PLEKHA5: variants seen among roughly 807,000 people sequenced by gnomAD.
The protein encoded by PLEKHA5 is pleckstrin homology domain containing A5, also known as pleckstrin homology domain-containing family A member 5.
In PLEKHA5, 55 loss-of-function variants were observed where a neutral mutation model predicts 181.9. That is an observed-to-expected ratio of 0.30 (90% confidence interval 0.24 to 0.38). PLEKHA5 has a LOEUF of 0.38. Ranked by LOEUF, PLEKHA5 falls within the 10% of genes least tolerant of loss-of-function variation. The probability of loss-of-function intolerance (pLI) is 1.00; values close to 1 mark genes in which losing one functional copy is unlikely to be tolerated. For synonymous variants in PLEKHA5, 535 were observed against 529.4 expected (o/e 1.01, Z -0.15); for missense variants, 1,432 against 1,549.5 (o/e 0.92, Z 1.27).
intron 3 of PLEKHA5, among the ~76,000 whole-genome samples, chr12:19,246,225 G>C (rs1042417119): frequency 6.6e-6 from 1 of 151,600 alleles, no homozygotes; most frequent in East Asian, 2.0e-4. Flanking sequence ...TGATCCACCC[G>C]CCTTGGCCTC....
chr12:19,305,841 A>G (rs1157558247), intron 15 of PLEKHA5, among the ~76,000 whole-genome samples: 3 of 130,926 alleles, frequency 2.3e-5, no homozygotes, highest in East Asian at 2.3e-4. Context: ...GCCTGGGGCA[A>G]CAACAGCAAA....
intron 12 of PLEKHA5, among the ~76,000 whole-genome samples, chr12:19,285,259 T>C (rs1172653002): frequency 4.6e-5 from 7 of 152,212 alleles, no homozygotes; most frequent in Admixed American, 6.5e-5. Flanking sequence ...ATGTGTATGG[T>C]CTAACAATTG....
intron 13 of PLEKHA5, among the ~76,000 whole-genome samples, chr12:19,289,405 C>T (rs374741602): frequency 5.9e-5 from 9 of 152,204 alleles, no homozygotes; most frequent in South Asian, 2.1e-4. Flanking sequence ...ATAAACAGAA[C>T]GGAAGAGAGT....
chr12:19,343,471 C>A, intron 22 of PLEKHA5, 37 bp downstream of exon 22: 2 of 1,106,688 alleles, frequency 1.8e-6, no homozygotes, highest in African/African-American at 1.5e-5. Flanking sequence ...TGACTGACCA[C>A]AGTATTACAG....
intron 15 of PLEKHA5, among the ~76,000 whole-genome samples, chr12:19,308,512 T>C (rs180809702): frequency 6.6e-6 from 1 of 152,310 alleles, no homozygotes; most frequent in African/African-American, 2.4e-5. Context: ...AAAAGCTATA[T>C]ACATCTACAG....
At chr12:19,278,592 G>A (rs2075243040) in intron 11 of PLEKHA5, among the ~76,000 whole-genome samples, 1 of 152,088 alleles carries the variant, frequency 6.6e-6, no homozygotes, top group Non-Finnish European at 1.5e-5. Context: ...TCTCTTTGAT[G>A]GAGTCAGCTT....
intron 3 of PLEKHA5, among the ~76,000 whole-genome samples, chr12:19,237,209 A>G (rs2061539910): frequency 6.6e-6 from 1 of 152,166 alleles, no homozygotes. Context: ...TAAACAAAGT[A>G]TTGTTTTGTT....
Position 19,190,876 on chromosome 12 carries a change from G to A in PLEKHA5, c.227+58426G>A, listed in dbSNP as rs532431738. Among the ~76,000 whole-genome samples, 8 of 152,282 alleles carry A rather than the reference G, an allele frequency of 5.3e-5. No homozygotes were observed. In the South Asian group the frequency reaches 1.0e-3, roughly 20 times the overall value. ...TTCACAGGAATTTAAAAATATCAGTGTGAAAACAAAATGAGCAGTGAAGCC... is the reference window on the plus strand; with the variant it reads ...TTCACAGGAATTTAAAAATATCAGTATGAAAACAAAATGAGCAGTGAAGCC... On this transcript the variant is annotated intron_variant, in intron 3 of 31. Transcript: ENST00000429027.
At chr12:19,194,616 C>G (rs927932115) in intron 3 of PLEKHA5, among the ~76,000 whole-genome samples, 4 of 152,098 alleles carry the variant, frequency 2.6e-5, no homozygotes, top group Non-Finnish European at 5.9e-5. Flanking sequence ...TCATTAGTAT[C>G]CCCCTTTTAC....
intron 18 of PLEKHA5, among the ~76,000 whole-genome samples, 188 bp from the exon 19 acceptor site, chr12:19,322,122 C>G (rs1340749804): frequency 6.6e-6 from 1 of 152,142 alleles, no homozygotes; most frequent in African/African-American, 2.4e-5. Context: ...CATATTATCA[C>G]TTAACCTATT....
At chr12:19,156,317 T>C (rs1338862827) in intron 3 of PLEKHA5, among the ~76,000 whole-genome samples, 1 of 152,084 alleles carries the variant, frequency 6.6e-6, no homozygotes, top group African/African-American at 2.4e-5. Context: ...GTGTGAAAAT[T>C]TGGTTTTTTA....
chr12:19,374,170 G>A (rs539133395), intron 31 of PLEKHA5, among the ~76,000 whole-genome samples: 3 of 151,822 alleles, frequency 2.0e-5, no homozygotes, highest in East Asian at 3.9e-4. Flanking sequence ...TAATTATTAC[G>A]TATTTTAGTG....
intron 23 of PLEKHA5, 72 bp from the exon 24 acceptor site, chr12:19,346,922 C>T (rs1257523719): frequency 5.4e-6 from 5 of 927,554 alleles, no homozygotes; most frequent in African/African-American, 5.1e-5. Context: ...GTTAATATAC[C>T]ATTGCAAAGA....
intron 7 of PLEKHA5, among the ~76,000 whole-genome samples, chr12:19,263,607 A>G (rs374293114): frequency 1.3e-5 from 2 of 152,360 alleles, no homozygotes; most frequent in South Asian, 2.1e-4. Flanking sequence ...CTGATTTGCT[A>G]AAGATATTCC....
intron 3 of PLEKHA5, among the ~76,000 whole-genome samples, chr12:19,172,954 G>GA (rs1393541590): frequency 2.3e-5 from 2 of 87,372 alleles, no homozygotes; most frequent in Admixed American, 1.3e-4. Flanking sequence ...AATAGAATGG[G>GA]AAAAAAGTTG....
chr12:19,255,093 T>C lies in PLEKHA5; in HGVS notation c.360T>C (p.Ser120=), dbSNP rs781306556. 1.2e-6 allele frequency: 2 copies of C among 1,609,798 alleles called. No homozygotes were observed. The highest frequency in any genetic ancestry group is 1.7e-6 in the Non-Finnish European group (2 of 1,176,788). ...AAGAAAAGAAGGAACGGCCAATAAG[T>C]ATGATAAATGAAGCTTCTAACTATA... The part of the protein sequence containing the change: ...TSEEKKERPI[S]MINEASNYNV... Residue 120 remains serine, a synonymous_variant, in exon 5 of 32, where the codon AGT becomes AGC. Coordinates refer to ENST00000429027, the MANE Select transcript of PLEKHA5 (RefSeq NM_001256470.2).
chr12:19,306,696 C>T (rs2083846634), intron 15 of PLEKHA5: 2 of 1,470,238 alleles, frequency 1.4e-6, no homozygotes, highest in Non-Finnish European at 9.5e-7. Context: ...TGCGGACTCT[C>T]TTCGGTTTCC....
At chr12:19,138,833 A>G (rs1207172964) in intron 3 of PLEKHA5, among the ~76,000 whole-genome samples, 2 of 152,150 alleles carry the variant, frequency 1.3e-5, no homozygotes, top group Non-Finnish European at 2.9e-5. Flanking sequence ...AGAAAATGCT[A>G]GGATGATGGG....
At chr12:19,188,104 A>T (rs755780552) in intron 3 of PLEKHA5, among the ~76,000 whole-genome samples, 2 of 152,224 alleles carry the variant, frequency 1.3e-5, no homozygotes, top group Non-Finnish European at 2.9e-5. Flanking sequence ...AAAAAAATGA[A>T]GTCAATTGGG....
Sources: gnomAD v4.1 joint callset for allele counts (sites outside exome capture counted in the v4.1 genomes callset) on GRCh38, gnomAD v4.1.1 for gene constraint, MANE v1.5 for transcripts, NCBI Gene and HGNC (gene_info 2026-07-23, HGNC 2026-07-21) for gene names.